GRK5: variants seen among roughly 807,000 people sequenced by gnomAD.
GRK5 encodes g protein-coupled receptor kinase GRK5.
A neutral mutation model predicts 78.4 loss-of-function variants in GRK5; 40 were observed. That is an observed-to-expected ratio of 0.51 (90% confidence interval 0.40 to 0.66). The LOEUF (loss-of-function observed/expected upper bound fraction) is 0.66. GRK5 is among the 30% of genes least tolerant of loss of function. The pLI, the probability that GRK5 is intolerant of heterozygous loss-of-function variation, is 0.00. For missense variants in GRK5, 598 were observed against 759.9 expected (o/e 0.79, Z 2.50); for synonymous variants, 289 against 296.8 (o/e 0.97, Z 0.27).
intron 1 of GRK5, among the ~76,000 whole-genome samples, chr10:119,301,181 T>C (rs1850175331): frequency 6.6e-6 from 1 of 151,240 alleles, no homozygotes; most frequent in African/African-American, 2.4e-5. Flanking sequence ...GTGCATACCC[T>C]GTGGAACCCT....
intron 1 of GRK5, among the ~76,000 whole-genome samples, chr10:119,259,855 T>C (rs1204788203): frequency 1.3e-5 from 2 of 152,348 alleles, no homozygotes; most frequent in East Asian, 3.8e-4. Flanking sequence ...GTGGACAGCA[T>C]AGCTCTAGAA....
intron 15 of GRK5, 138 bp from the exon 16 acceptor site, chr10:119,454,831 A>G (rs1376968620): frequency 1.6e-6 from 1 of 625,728 alleles, no homozygotes; most frequent in Non-Finnish European, 2.8e-6. Context: ...TGGCCCTTGT[A>G]CCTGGCTCTG....
chr10:119,221,481 G>C (rs1469508501), intron 1 of GRK5, among the ~76,000 whole-genome samples: 1 of 152,200 alleles, frequency 6.6e-6, no homozygotes. Flanking sequence ...TCAATGGAAT[G>C]CTGGGTATGT....
chr10:119,396,626 T>A, intron 3 of GRK5, 69 bp from the exon 4 acceptor site: 1 of 1,302,608 alleles, frequency 7.7e-7, no homozygotes, highest in Non-Finnish European at 1.1e-6. Context: ...CCAGGGGCTG[T>A]GAGGTTCTGT....
In GRK5 at chr10:119,211,477, C is replaced by G. The variant is rs542311067; in HGVS notation, c.52+3508C>G. 2.0e-5 allele frequency: 3 copies of G among 152,272 alleles called. No individual in the cohort carries two copies. The South Asian group carries it at 6.2e-4, about 32-fold the overall frequency. 9.4% of individuals were successfully genotyped at this position (152,272 alleles called of 1,614,324 possible). ...AAGGTTTTTGTGTTTTTCTCATCTTCTAGATCTGTTGCCTTTCTTCTGAGT... is the reference window on the plus strand; with the variant it reads ...AAGGTTTTTGTGTTTTTCTCATCTTGTAGATCTGTTGCCTTTCTTCTGAGT... On this transcript the variant is annotated intron_variant, in intron 1 of 15. Transcript: ENST00000392870.
intron 1 of GRK5, among the ~76,000 whole-genome samples, chr10:119,281,887 C>T (rs572621536): frequency 3.3e-5 from 5 of 152,324 alleles, no homozygotes; most frequent in South Asian, 2.1e-4. Flanking sequence ...ATTTCTAAGA[C>T]GTGATCTCAT....
At chr10:119,354,749 G>T (rs1272094839) in intron 2 of GRK5, among the ~76,000 whole-genome samples, 1 of 152,150 alleles carries the variant, frequency 6.6e-6, no homozygotes, top group Non-Finnish European at 1.5e-5. Flanking sequence ...TCCTTGAAGA[G>T]CACAGGTTTG....
At chr10:119,354,801 A>G (rs985468478) in intron 2 of GRK5, among the ~76,000 whole-genome samples, 3 of 152,154 alleles carry the variant, frequency 2.0e-5, no homozygotes, top group Non-Finnish European at 4.4e-5. Context: ...TTTCAACCAA[A>G]CATGGATTGA....
Position 119,240,189 on chromosome 10 carries a change from CTTTTT to C in GRK5, c.52+32245_52+32249del, listed in dbSNP as rs55905745. On this transcript the variant is annotated intron_variant, in intron 1 of 15. Coordinates refer to ENST00000392870, the MANE Select transcript of GRK5 (RefSeq NM_005308.3). ...ATCCTCTCCAGCATCTGTTTCCCGA[CTTTTT>C]TTTTTTTTTTTTTTTTTTTTTTTTG... Among the ~76,000 whole-genome samples, 7 of 70,096 alleles carry C rather than the reference CTTTTT, an allele frequency of 1.0e-4. No homozygotes were observed. The East Asian group carries it at 1.9e-3, about 19-fold the overall frequency. 46.0% of individuals were successfully genotyped at this position (70,096 alleles called of 152,430 possible). A position where few individuals can be genotyped will look rare whatever the true frequency, so the allele number is the denominator to read the frequency against.
chr10:119,246,792 G>A (rs1177902185), intron 1 of GRK5, among the ~76,000 whole-genome samples: 6 of 152,192 alleles, frequency 3.9e-5, no homozygotes, highest in Non-Finnish European at 5.9e-5. Context: ...AGCAGGTGTT[G>A]CTTGGGGTTG....
intron 3 of GRK5, among the ~76,000 whole-genome samples, chr10:119,392,520 A>T (rs1851901715): frequency 1.3e-5 from 2 of 152,216 alleles, no homozygotes; most frequent in South Asian, 4.1e-4. Context: ...CTCCTGCCTC[A>T]GCCTCCCAAG....
intron 4 of GRK5, among the ~76,000 whole-genome samples, chr10:119,411,875 G>A (rs1353693945): frequency 1.8e-5 from 1 of 57,036 alleles, no homozygotes; most frequent in African/African-American, 4.5e-5. Flanking sequence ...TTTTGAGATA[G>A]AGTCTTGCTC....
chr10:119,261,405 A>G (rs1192011459), intron 1 of GRK5, among the ~76,000 whole-genome samples: 2 of 142,238 alleles, frequency 1.4e-5, no homozygotes, highest in African/African-American at 2.7e-5. Context: ...GACGCTCCTC[A>G]CTTTCCAGAC....
intron 6 of GRK5, among the ~76,000 whole-genome samples, chr10:119,425,711 G>A (rs893859748): frequency 1.3e-5 from 2 of 152,222 alleles, no homozygotes; most frequent in Non-Finnish European, 2.9e-5. Flanking sequence ...TGAGCAGGGC[G>A]CTTCCTTGTT....
At position 119,379,268 on chromosome 10, in the gene GRK5, A is replaced by T. The variant is rs550153038; in HGVS notation, c.149-1547A>T. Among the ~76,000 whole-genome samples, 22 of 152,306 alleles carry T rather than the reference A, an allele frequency of 1.4e-4. No individual in the cohort carries two copies. The highest frequency in any genetic ancestry group is 5.3e-4 in the African/African-American group (22 of 41,556). ...CCGTCCGCAGTTTACAGACTAGACA[A>T]CTGAGGGGCAGTGTCAAGCCTGTTG... On this transcript the variant is annotated intron_variant, in intron 2 of 15. Transcript: ENST00000392870. The surrounding 1 kb of genome is among the most constrained non-coding windows in gnomAD (Gnocchi z 4.1).
At chr10:119,448,068 T>C in intron 12 of GRK5, 55 bp from the exon 13 acceptor site, 2 of 1,480,010 alleles carry the variant, frequency 1.4e-6, no homozygotes, top group Non-Finnish European at 1.8e-6. Flanking sequence ...AGGCAGGAGG[T>C]CCGGACAGGA....
chr10:119,406,355 C>G lies in GRK5; in HGVS notation c.339+9583C>G, dbSNP rs142854754. ...ACTGGGAGTCAGGCTCATTCCTGAT[C>G]TCCCTTCCTGGGGTCCATGGCCCTG... On this transcript the variant is annotated intron_variant, in intron 4 of 15. Transcript: ENST00000392870. The G allele has an allele frequency of 4.1e-3, 2,170 of 529,988 alleles. 11 individuals are homozygous for G. The highest frequency in any genetic ancestry group is 4.9e-3 in the Non-Finnish European group (2,039 of 413,694). The allele number at this position is 529,988 out of a possible 1,614,324, so 32.8% of individuals were successfully genotyped here. A position where few individuals can be genotyped will look rare whatever the true frequency, so the allele number is the denominator to read the frequency against.
intron 2 of GRK5, among the ~76,000 whole-genome samples, chr10:119,350,187 GACCCTCC>G (rs1851168241): frequency 6.6e-6 from 1 of 152,238 alleles, no homozygotes; most frequent in South Asian, 2.1e-4. Context: ...TCTCTGATGG[GACCCTCC>G]AGCTCCAGCC....
chr10:119,212,361 A>G (rs1285006224), intron 1 of GRK5, among the ~76,000 whole-genome samples: 2 of 152,214 alleles, frequency 1.3e-5, no homozygotes, highest in Non-Finnish European at 2.9e-5. Context: ...GTCAGATTCT[A>G]AACTCCAAAG....
Sources: allele counts gnomAD v4.1 joint callset (sites outside exome capture counted in the v4.1 genomes callset), GRCh38; gene constraint gnomAD v4.1.1; non-coding constraint Gnocchi (gnomAD v3.1); transcripts MANE v1.5; gene names NCBI Gene and HGNC (gene_info 2026-07-23, HGNC 2026-07-21).